The following PRMT2 variants were observed in gnomAD, a reference collection of about 807,000 sequenced individuals.
The protein encoded by PRMT2 is protein arginine methyltransferase 2.
Under a neutral mutation model 57.6 loss-of-function variants are expected in PRMT2, and 26 were observed. That is an observed-to-expected ratio of 0.45 (90% CI 0.33 to 0.63). The LOEUF (loss-of-function observed/expected upper bound fraction) is 0.63, where lower values mean the gene tolerates loss of function less well. Ranked by LOEUF, PRMT2 falls within the 20% of genes least tolerant of loss-of-function variation. The pLI is 0.02. For missense variants in PRMT2, 472 were observed against 564.4 expected, an observed-to-expected ratio of 0.84 and a Z score of 1.66; for synonymous variants, 219 against 220.0, an observed-to-expected ratio of 1.00 and a Z score of 0.04.
chr21:46,663,594 G>C (rs1400664625), intron 11 of PRMT2, 40 bp downstream of exon 11: 1 of 1,589,642 alleles, frequency 6.3e-7, no homozygotes, highest in East Asian at 2.3e-5. Context: ...TGTGGGTGCC[G>C]GTCCTCAGGG....
intron 5 of PRMT2, among the ~76,000 whole-genome samples, chr21:46,647,838 C>G (rs181668905): frequency 6.0e-4 from 92 of 152,344 alleles, no homozygotes; most frequent in African/African-American, 2.0e-3. Flanking sequence ...TGCGTTTGTC[C>G]TGCTCTGGAT....
At chr21:46,643,344 T>TC (rs1036402600) in intron 3 of PRMT2, 191 bp from the exon 4 acceptor site, 532 of 1,110,676 alleles carry the variant, frequency 4.8e-4, no homozygotes, top group East Asian at 1.4e-3. Flanking sequence ...TTTTTTTTTT[T>TC]AGAAAAGAAA....
At chr21:46,637,493 A>G (rs1034420905) in intron 3 of PRMT2, among the ~76,000 whole-genome samples, 1 of 152,216 alleles carries the variant, frequency 6.6e-6, no homozygotes, top group African/African-American at 2.4e-5. Flanking sequence ...TTTAAAAATC[A>G]AGCATTTCCG....
At chr21:46,639,643 A>T (rs1286793384) in intron 3 of PRMT2, among the ~76,000 whole-genome samples, 1 of 146,098 alleles carries the variant, frequency 6.8e-6, no homozygotes, top group Non-Finnish European at 1.5e-5. Flanking sequence ...TTTAATGCTA[A>T]TATAGCTGTA....
intron 5 of PRMT2, among the ~76,000 whole-genome samples, chr21:46,647,244 TA>T (rs2061378324): frequency 6.6e-6 from 1 of 152,224 alleles, no homozygotes; most frequent in Admixed American, 6.5e-5. Flanking sequence ...TCTTTTTTTG[TA>T]AACTTTCATA....
Position 46,661,890 on chromosome 21 carries a change from C to T in PRMT2, c.1051C>T (p.Gln351Ter). Residue 351 changes from glutamine (Q) to a stop codon, truncating the protein, a stop_gained, in exon 10 of 12, where the codon CAG becomes TAG. Transcript: ENST00000355680. LOFTEE classifies it high-confidence loss of function. ...GTTTAGCGTCCACTTCCAGAGCCTG[C>T]AGGAGGGGCAGCCGCCGCAGGTGCT... ...AWFSVHFQSLQEGQPPQVLST... is the reference protein window; with the variant it reads ...AWFSVHFQSL The T allele has an allele frequency of 2.7e-6, 4 of 1,487,984 alleles. No homozygotes were observed. Among genetic ancestry groups the T allele is most frequent in the South Asian group, 1.3e-5 (1 of 77,042 alleles). The allele number at this position is 1,487,984 out of a possible 1,614,324, so 92.2% of individuals were successfully genotyped here.
chr21:46,653,590 G>A, intron 7 of PRMT2: 1 of 1,119,210 alleles, frequency 8.9e-7, no homozygotes, highest in Non-Finnish European at 1.1e-6. Flanking sequence ...CAGGCCTAAG[G>A]GAGGACTTCT....
Position 46,663,535 on chromosome 21 carries a change from A to G in PRMT2, c.1250A>G (p.Gln417Arg), listed in dbSNP as rs1334179582. ...VALSWAVTSRQDPTSQKVGEK... is the reference protein window; with the variant it reads ...VALSWAVTSRRDPTSQKVGEK... ...CTGAGCTGGGCTGTCACTTCCAGAC[A>G]AGACCCCACATCTCAAAAAGTAAGA... Residue 417 changes from glutamine (Q) to arginine (R), a missense_variant, in exon 11 of 12, where the codon CAA (glutamine) becomes CGA (arginine). This residue lies in a region of PRMT2 where 229 missense variants were observed against 217.2 expected (regional missense o/e 1.05). Coordinates refer to ENST00000355680, the MANE Select transcript of PRMT2 (RefSeq NM_206962.4). 5 of 1,613,834 alleles carry G rather than the reference A, an allele frequency of 3.1e-6. No individual in the cohort carries two copies. The Admixed American group carries it at 8.3e-5, about 27-fold the overall frequency.
chr21:46,646,470 G>T (rs1482300088), intron 5 of PRMT2, among the ~76,000 whole-genome samples: 2 of 152,104 alleles, frequency 1.3e-5, no homozygotes, highest in African/African-American at 2.4e-5. Flanking sequence ...TATAGAAAAG[G>T]CATTGTTCCA....
intron 3 of PRMT2, among the ~76,000 whole-genome samples, chr21:46,640,926 C>A (rs193084361): frequency 4.1e-4 from 62 of 151,490 alleles, no homozygotes; most frequent in African/African-American, 1.4e-3. Flanking sequence ...TGATCATAAA[C>A]AAGATAACTG....
chr21:46,661,739 C>T, intron 9 of PRMT2, 61 bp from the exon 10 acceptor site: 3 of 1,273,320 alleles, frequency 2.4e-6, no homozygotes, highest in Non-Finnish European at 3.0e-6. Context: ...GGGGCCGCCC[C>T]AACCCGGGCC....
intron 7 of PRMT2, among the ~76,000 whole-genome samples, chr21:46,650,679 C>T (rs114859886): frequency 3.3e-5 from 5 of 152,118 alleles, no homozygotes; most frequent in South Asian, 2.1e-4. Flanking sequence ...GCCCCGGCCA[C>T]GGGGACAAAA....
At chr21:46,653,623 G>A in intron 7 of PRMT2, 2 of 1,189,868 alleles carry the variant, frequency 1.7e-6, no homozygotes, top group South Asian at 1.7e-5. Context: ...TGATGTTCAT[G>A]TTTTATGCCT....
At chr21:46,640,577 GACTACAGGTGACC>G (rs1169130176) in intron 3 of PRMT2, among the ~76,000 whole-genome samples, 1 of 151,884 alleles carries the variant, frequency 6.6e-6, no homozygotes, top group African/African-American at 2.4e-5. Flanking sequence ...GAGTAGCTGG[GACTACAGGTGACC>G]ACCACCACGC....
intron 7 of PRMT2, chr21:46,656,896 G>A (rs1220671147): frequency 1.3e-5 from 2 of 152,136 alleles, no homozygotes; most frequent in Non-Finnish European, 2.9e-5. Context: ...GCTAAGATTA[G>A]GAGAAAATAT....
In PRMT2 at chr21:46,664,475, G is replaced by A. The variant is rs2061675204; in HGVS notation, c.*148G>A. ...ACCCCTCCCTAGCCTGGCAGGTGAC[G>A]TCAGGGTCCTTCACAGACAAACACG... is the stretch of plus-strand genomic sequence containing the variant. On this transcript the variant is annotated 3_prime_UTR_variant, in exon 12 of 12. Coordinates refer to ENST00000355680, the MANE Select transcript of PRMT2 (RefSeq NM_206962.4). The A allele has an allele frequency of 9.6e-6, 10 of 1,037,862 alleles. No individual in the cohort carries two copies. Among genetic ancestry groups the A allele is most frequent in the South Asian group, 1.3e-5 (1 of 75,636 alleles). The allele number at this position is 1,037,862 out of a possible 1,614,324, so 64.3% of individuals were successfully genotyped here.
At chr21:46,642,301 T>G (rs1428444645) in intron 3 of PRMT2, among the ~76,000 whole-genome samples, 1 of 152,198 alleles carries the variant, frequency 6.6e-6, no homozygotes, top group Non-Finnish European at 1.5e-5. Context: ...TGTACAAGAC[T>G]AGGAAACTGG....
intron 7 of PRMT2, chr21:46,658,544 G>GCTGT: frequency 1.2e-6 from 1 of 858,110 alleles, no homozygotes. Context: ...TTAAACCCAG[G>GCTGT]CTGTGAGATG....
intron 3 of PRMT2, among the ~76,000 whole-genome samples, chr21:46,639,133 C>T (rs1210668546): frequency 1.3e-5 from 2 of 152,068 alleles, no homozygotes; most frequent in Non-Finnish European, 2.9e-5. Flanking sequence ...GTATGTTGAC[C>T]AATTTCTAAA....
Sources: gnomAD v4.1 joint callset for allele counts (sites outside exome capture counted in the v4.1 genomes callset) on GRCh38, gnomAD v4.1.1 for gene constraint, gnomAD v4.1.1 regional missense constraint, MANE v1.5 for transcripts, NCBI Gene and HGNC (gene_info 2026-07-23, HGNC 2026-07-21) for gene names.